Variants in CADM3 observed in about 807,000 individuals in gnomAD.
CADM3 encodes cell adhesion molecule 3.
Under a neutral mutation model 44.9 loss-of-function variants are expected in CADM3, and 11 were observed. That is an observed-to-expected ratio of 0.25 (90% CI 0.15 to 0.41). The LOEUF is 0.41. Ranked by LOEUF, CADM3 falls within the 10% of genes least tolerant of loss-of-function variation. The pLI is 1.00. For missense variants in CADM3, 426 were observed against 512.0 expected, an observed-to-expected ratio of 0.83 and a Z score of 1.62; for synonymous variants, 207 against 205.2, an observed-to-expected ratio of 1.01 and a Z score of -0.08.
At chr1:159,191,355 A>T (rs1649655201) in intron 1 of CADM3, among the ~76,000 whole-genome samples, 1 of 152,192 alleles carries the variant, frequency 6.6e-6, no homozygotes, top group African/African-American at 2.4e-5. Flanking sequence ...TGTTAGACGA[A>T]TTGAAATGTA....
chr1:159,200,064 C>T (rs1282069898), intron 8 of CADM3, among the ~76,000 whole-genome samples, 188 bp downstream of exon 8: 1 of 152,146 alleles, frequency 6.6e-6, no homozygotes, highest in African/African-American at 2.4e-5. Flanking sequence ...GCACCACCAA[C>T]CCCGCAGTAA....
rs1268608443 is a variant in CADM3 at position 159,201,956 on chromosome 1, C to G, written c.*1034C>G. The stretch of plus-strand genomic sequence containing the variant: ...TCCCAACGCCAGCCCTTCATCCTTC[C>G]TCCCTCAGCAGCCAGGCAGACATAA... On this transcript the variant is annotated 3_prime_UTR_variant, in exon 9 of 9. Coordinates refer to ENST00000368125, the MANE Select transcript of CADM3 (RefSeq NM_001127173.3). 6.5e-6 allele frequency: 1 copy of G among 153,228 alleles called. No individual in the cohort carries two copies. Among genetic ancestry groups the G allele is most frequent in the African/African-American group, 2.4e-5 (1 of 41,474 alleles). The allele number at this position is 153,228 out of a possible 1,614,324, so 9.5% of individuals were successfully genotyped here.
At chr1:159,182,105 C>T (rs1464288893) in intron 1 of CADM3, among the ~76,000 whole-genome samples, 1 of 148,620 alleles carries the variant, frequency 6.7e-6, no homozygotes. Context: ...CACATGCCAC[C>T]TGTCCTCACA....
Position 159,199,760 on chromosome 1 carries a change from C to T in CADM3, c.962C>T (p.Pro321Leu), listed in dbSNP as rs777264746. 88 of 1,613,962 alleles carry T rather than the reference C, an allele frequency of 5.5e-5. 1 individual carries two copies. In the South Asian group the frequency reaches 8.1e-4, roughly 15 times the overall value. The change falls in exon 8 of 9, where the codon CCG becomes CTG. Residue 321 changes from proline (P) to leucine (L), a missense_variant. By Grantham distance (98) the Pro-to-Leu change is moderately conservative (BLOSUM62 -3). This residue lies in a region of CADM3 where 362 missense variants were observed against 474.6 expected (regional missense o/e 0.76). Coordinates refer to ENST00000368125, the MANE Select transcript of CADM3 (RefSeq NM_001127173.3). ...TTGCCCTTTCTTCCAGACCCCAGTC[C>T]GGTGCCCTCCTCCTCCAGCACCTAC... The part of the protein sequence containing the change: ...YYTLNVNDPS[P>L]VPSSSSTYHA...
At chr1:159,181,884 G>T (rs1226185175) in intron 1 of CADM3, among the ~76,000 whole-genome samples, 7 of 152,050 alleles carry the variant, frequency 4.6e-5, no homozygotes, top group African/African-American at 1.7e-4. Context: ...GCCCCCCTCA[G>T]CCTACCACAA....
chr1:159,199,621 A>C, intron 7 of CADM3, 130 bp from the exon 8 acceptor site: 1 of 1,165,838 alleles, frequency 8.6e-7, no homozygotes, highest in Non-Finnish European at 1.3e-6. Flanking sequence ...GGCATGATGA[A>C]TGACACTGCT....
chr1:159,192,438 C>T (rs537290057), intron 2 of CADM3, 140 bp from the exon 3 acceptor site: 2 of 903,720 alleles, frequency 2.2e-6, no homozygotes, highest in South Asian at 1.5e-5. Context: ...AACTTAAAGA[C>T]TGCTTAAACT....
intron 1 of CADM3, among the ~76,000 whole-genome samples, chr1:159,172,666 A>G (rs3026948): frequency 6.6e-6 from 1 of 152,090 alleles, no homozygotes; most frequent in Non-Finnish European, 1.5e-5. Flanking sequence ...GATTTTCCCA[A>G]ATTTGGGATG....
chr1:159,199,673 C>G lies in CADM3; in HGVS notation c.953-78C>G, dbSNP rs3027001. 1.4e-5 allele frequency: 22 copies of G among 1,599,136 alleles called. No individual in the cohort carries two copies. The African/African-American group carries it at 2.5e-4, about 18-fold the overall frequency. On this transcript the variant is annotated intron_variant, in intron 7 of 8. Transcript: ENST00000368125. ...AGTACCTGTTCCCTGCTGTGTAAGACTATTCATGGCCAAGTTGGAATGCTA... is the reference window on the plus strand; with the variant it reads ...AGTACCTGTTCCCTGCTGTGTAAGAGTATTCATGGCCAAGTTGGAATGCTA...
chr1:159,177,105 T>C (rs563293385), intron 1 of CADM3, among the ~76,000 whole-genome samples: 1 of 152,272 alleles, frequency 6.6e-6, no homozygotes, highest in East Asian at 1.9e-4. Context: ...TGTTCCCTCT[T>C]TAGAAGATAG....
At chr1:159,185,750 C>T (rs886778901) in intron 1 of CADM3, among the ~76,000 whole-genome samples, 2 of 152,132 alleles carry the variant, frequency 1.3e-5, no homozygotes, top group South Asian at 2.1e-4. Context: ...TCCTCTCTAC[C>T]GGCAGATTTT....
At chr1:159,189,381 A>C (rs1303462504) in intron 1 of CADM3, among the ~76,000 whole-genome samples, 3 of 152,216 alleles carry the variant, frequency 2.0e-5, no homozygotes, top group Admixed American at 2.0e-4. Context: ...CTGGATAAGG[A>C]ATGAGAAATC....
At chr1:159,188,503 A>C (rs908960381) in intron 1 of CADM3, among the ~76,000 whole-genome samples, 2 of 148,152 alleles carry the variant, frequency 1.3e-5, no homozygotes, top group Non-Finnish European at 3.0e-5. Flanking sequence ...CTCCTCCCCC[A>C]CCTGCCTCTC....
At chr1:159,193,680 T>C (rs1354859625) in intron 4 of CADM3, 120 bp downstream of exon 4, 13 of 1,485,238 alleles carry the variant, frequency 8.8e-6, no homozygotes, top group Non-Finnish European at 1.1e-5. Flanking sequence ...TGACATATAT[T>C]TTGTGTGCAC....
At chr1:159,175,253 T>C (rs1648974472) in intron 1 of CADM3, among the ~76,000 whole-genome samples, 1 of 152,240 alleles carries the variant, frequency 6.6e-6, no homozygotes, top group Admixed American at 6.5e-5. Flanking sequence ...GCTCTCCTTT[T>C]AGACATGTGC....
intron 1 of CADM3, chr1:159,189,708 T>C (rs1571016730): frequency 8.0e-7 from 1 of 1,248,096 alleles, no homozygotes; most frequent in South Asian, 1.3e-5. Context: ...GCAATGAAAG[T>C]AGAGCCCCAC....
At chr1:159,197,749 C>T (rs1649966376) in intron 7 of CADM3, 1 of 152,166 alleles carries the variant, frequency 6.6e-6, no homozygotes, top group Admixed American at 6.5e-5. Flanking sequence ...GCCAGAAAGT[C>T]TTATCTTTTC....
At chr1:159,172,319 A>C (rs1251906710) in intron 1 of CADM3, among the ~76,000 whole-genome samples, 3 of 152,066 alleles carry the variant, frequency 2.0e-5, no homozygotes, top group African/African-American at 7.2e-5. Flanking sequence ...TTGGGTAGCC[A>C]GTGCAATCCC....
At chr1:159,173,852 C>G (rs1158412937) in intron 1 of CADM3, among the ~76,000 whole-genome samples, 3 of 152,172 alleles carry the variant, frequency 2.0e-5, no homozygotes, top group Non-Finnish European at 2.9e-5. Context: ...AAACTATAGA[C>G]TAGAGTAAAT....
Sources: gnomAD v4.1 joint callset for allele counts (sites outside exome capture counted in the v4.1 genomes callset) on GRCh38, gnomAD v4.1.1 for gene constraint, gnomAD v4.1.1 regional missense constraint, MANE v1.5 for transcripts, NCBI Gene and HGNC (gene_info 2026-07-23, HGNC 2026-07-21) for gene names.